Variants in DTWD2 observed in about 807,000 individuals in gnomAD.
DTWD2 encodes tRNA-uridine aminocarboxypropyltransferase 2.
A neutral mutation model predicts 31.8 loss-of-function variants in DTWD2; 39 were observed. The observed-to-expected ratio is 1.22, with a 90% CI of 0.95 to 1.60. The LOEUF is 1.60. DTWD2 is among the 40% of genes most tolerant of loss of function. DTWD2 has a pLI of 0.00. For synonymous variants in DTWD2, 180 were observed against 142.8 expected (o/e 1.26, Z -1.86); for missense variants, 515 against 381.5 (o/e 1.35, Z -2.92).
At chr5:118,970,848 A>C (rs1403882446) in intron 1 of DTWD2, among the ~76,000 whole-genome samples, 1 of 152,196 alleles carries the variant, frequency 6.6e-6, no homozygotes, top group Admixed American at 6.5e-5. Flanking sequence ...ACATTCTTAA[A>C]AGAATTTCCA....
At chr5:118,842,953 C>CTT (rs1181962036) in intron 5 of DTWD2, among the ~76,000 whole-genome samples, 16 of 108,806 alleles carry the variant, frequency 1.5e-4, no homozygotes, top group Middle Eastern at 4.8e-3. Context: ...TCTTCTTCCT[C>CTT]TTTTTTTTTT....
intron 1 of DTWD2, among the ~76,000 whole-genome samples, chr5:118,971,221 T>C (rs1754979837): frequency 1.3e-5 from 2 of 152,178 alleles, no homozygotes; most frequent in South Asian, 4.1e-4. Flanking sequence ...TCCATCTGTA[T>C]GCTATCTTCA....
intron 4 of DTWD2, among the ~76,000 whole-genome samples, chr5:118,858,952 G>A (rs1177147810): frequency 1.3e-5 from 2 of 152,126 alleles, no homozygotes; most frequent in Admixed American, 1.3e-4. Context: ...CAAAGGTGAT[G>A]TGCTGAGTAT....
intron 4 of DTWD2, among the ~76,000 whole-genome samples, chr5:118,868,838 T>C (rs1331495699): frequency 2.6e-4 from 28 of 107,838 alleles, no homozygotes; most frequent in African/African-American, 8.3e-4. Context: ...CCCTGTCTCT[T>C]AAAAAAAAAA....
intron 1 of DTWD2, among the ~76,000 whole-genome samples, chr5:118,947,343 T>C (rs981940525): frequency 6.6e-6 from 1 of 152,000 alleles, no homozygotes; most frequent in South Asian, 2.1e-4. Flanking sequence ...GGGTGGTAAA[T>C]ATGGAGGATT....
chr5:118,937,100 C>T (rs986097841), intron 3 of DTWD2, among the ~76,000 whole-genome samples: 16 of 151,986 alleles, frequency 1.1e-4, no homozygotes, highest in Non-Finnish European at 2.1e-4. Context: ...AAAAAACCTT[C>T]CCACAAATTA....
At chr5:118,947,176 C>A (rs1304705545) in intron 1 of DTWD2, among the ~76,000 whole-genome samples, 7 of 152,180 alleles carry the variant, frequency 4.6e-5, no homozygotes, top group Non-Finnish European at 1.0e-4. Context: ...TGCAAAACTC[C>A]ATGGGGCCCC....
chr5:118,860,166 C>T (rs1752228148), intron 4 of DTWD2, among the ~76,000 whole-genome samples: 1 of 149,570 alleles, frequency 6.7e-6, no homozygotes, highest in African/African-American at 2.4e-5. Flanking sequence ...ATTAGTTATA[C>T]TGCTATAACT....
intron 1 of DTWD2, among the ~76,000 whole-genome samples, chr5:118,951,755 G>T (rs1459474239): frequency 6.6e-6 from 1 of 152,204 alleles, no homozygotes; most frequent in Non-Finnish European, 1.5e-5. Flanking sequence ...GAAAAGAGAG[G>T]GTAGAGACAT....
chr5:118,936,142 T>G (rs1450676330), intron 3 of DTWD2, among the ~76,000 whole-genome samples: 2 of 152,218 alleles, frequency 1.3e-5, no homozygotes, highest in African/African-American at 4.8e-5. Context: ...ACAATCCATG[T>G]GTGAAAGAAG....
chr5:118,939,360 G>A (rs1399295363), intron 2 of DTWD2, 70 bp from the exon 3 acceptor site: 2 of 1,262,234 alleles, frequency 1.6e-6, no homozygotes, highest in Non-Finnish European at 1.1e-6. Flanking sequence ...ATTTTATAAT[G>A]AACATCTGAT....
At chr5:118,888,866 C>A (rs935622125) in intron 4 of DTWD2, among the ~76,000 whole-genome samples, 2 of 152,104 alleles carry the variant, frequency 1.3e-5, no homozygotes, top group Non-Finnish European at 2.9e-5. Flanking sequence ...TTACTAATAT[C>A]TTTTCGTGTG....
At chr5:118,978,929 C>T (rs933856946) in intron 1 of DTWD2, among the ~76,000 whole-genome samples, 3 of 151,872 alleles carry the variant, frequency 2.0e-5, no homozygotes, top group Non-Finnish European at 4.4e-5. Flanking sequence ...ATGCTTGAGC[C>T]GGGAAGATGG....
At chr5:118,891,901 T>C (rs1217434459) in intron 4 of DTWD2, among the ~76,000 whole-genome samples, 1 of 152,176 alleles carries the variant, frequency 6.6e-6, no homozygotes, top group African/African-American at 2.4e-5. Flanking sequence ...CAAACTTTTA[T>C]ACAAGCAAGA....
At chr5:118,843,286 G>GAAGGAAGGGA (rs1238736624) in intron 5 of DTWD2, among the ~76,000 whole-genome samples, 1 of 151,412 alleles carries the variant, frequency 6.6e-6, no homozygotes, top group African/African-American at 2.4e-5. Context: ...GAAAGAAAAG[G>GAAGGAAGGGA]AAGGAAGGGA....
chr5:118,957,095 T>C lies in DTWD2; in HGVS notation c.219-12446A>G, dbSNP rs1240306057. On this transcript the variant is annotated intron_variant, in intron 1 of 5. Transcript: ENST00000510708. Reference sequence around the variant, plus strand: ...AAACAGAAGTAGATAACATCTTCCATGTCTGACTGCTTCAAGTACAAATAA... The same window carrying C: ...AAACAGAAGTAGATAACATCTTCCACGTCTGACTGCTTCAAGTACAAATAA... 2.0e-5 allele frequency among the ~76,000 whole-genome samples: 3 copies of C among 152,324 alleles called. No homozygotes were observed. In the East Asian group the frequency reaches 5.8e-4, roughly 29 times the overall value.
At chr5:118,970,671 C>G (rs147763015) in intron 1 of DTWD2, among the ~76,000 whole-genome samples, 142 of 151,822 alleles carry the variant, frequency 9.4e-4, no homozygotes, top group African/African-American at 3.3e-3. Context: ...GAAGATCTAC[C>G]CCAAGACACG....
chr5:118,846,299 A>G (rs955487978), intron 5 of DTWD2, among the ~76,000 whole-genome samples: 1 of 152,142 alleles, frequency 6.6e-6, no homozygotes, highest in African/African-American at 2.4e-5. Context: ...TACAAACCCT[A>G]TCCTTAACTG....
intron 1 of DTWD2, among the ~76,000 whole-genome samples, chr5:118,981,451 C>A (rs1755298435): frequency 6.6e-6 from 1 of 152,146 alleles, no homozygotes; most frequent in African/African-American, 2.4e-5. Flanking sequence ...AATTTCTCTA[C>A]CCTTTGCAAG....
Sources: gnomAD v4.1 joint callset for allele counts (sites outside exome capture counted in the v4.1 genomes callset) on GRCh38, gnomAD v4.1.1 for gene constraint, MANE v1.5 for transcripts, NCBI Gene and HGNC (gene_info 2026-07-23, HGNC 2026-07-21) for gene names.